Variants in CTNNA3 observed in about 807,000 individuals in gnomAD.
The protein encoded by CTNNA3 is catenin alpha 3.
In CTNNA3, 76 loss-of-function variants were observed where a neutral mutation model predicts 95.7. That is an observed-to-expected ratio of 0.79 (90% CI 0.66 to 0.96). CTNNA3 has a LOEUF of 0.96. Among genes scored for constraint, CTNNA3 ranks in the 40% least tolerant of loss-of-function variants. The pLI, the probability that CTNNA3 is intolerant of heterozygous loss-of-function variation, is 0.00. For synonymous variants in CTNNA3, 431 were observed against 374.4 expected (o/e 1.15, Z -1.74); for missense variants, 1,191 against 1,089.8 (o/e 1.09, Z -1.31).
chr10:67,001,974 G>A (rs1851714269), intron 7 of CTNNA3, among the ~76,000 whole-genome samples: 1 of 152,194 alleles, frequency 6.6e-6, no homozygotes, highest in African/African-American at 2.4e-5. Context: ...GAAGCAGAGA[G>A]TGCAGAAATG....
chr10:66,866,678 G>A (rs1564733207), intron 7 of CTNNA3, among the ~76,000 whole-genome samples: 1 of 152,036 alleles, frequency 6.6e-6, no homozygotes. Flanking sequence ...GGAGCCACGA[G>A]GTATTATAAA....
intron 7 of CTNNA3, among the ~76,000 whole-genome samples, chr10:66,943,733 G>C (rs115448377): frequency 0.031 from 4,654 of 152,136 alleles, 239 homozygotes; most frequent in African/African-American, 0.11. Flanking sequence ...TTCAGGTTTG[G>C]TTCCAGAACC....
intron 5 of CTNNA3, 121 bp from the exon 6 acceptor site, chr10:67,219,991 A>C (rs1361238748): frequency 2.7e-6 from 2 of 748,928 alleles, no homozygotes; most frequent in Non-Finnish European, 4.2e-6. Flanking sequence ...GAAGTCAGCT[A>C]TAAGTTATAA....
At chr10:67,502,296 G>A (rs867164860) in intron 5 of CTNNA3, among the ~76,000 whole-genome samples, 6 of 152,220 alleles carry the variant, frequency 3.9e-5, no homozygotes, top group East Asian at 1.9e-4. Flanking sequence ...AATCACCAGC[G>A]GAGGCTGCAG....
At chr10:66,573,355 A>T (rs1017592634) in intron 10 of CTNNA3, among the ~76,000 whole-genome samples, 4 of 152,182 alleles carry the variant, frequency 2.6e-5, no homozygotes, top group Non-Finnish European at 4.4e-5. Context: ...GAATGATGTG[A>T]TTGACTACCA....
At chr10:67,327,269 T>C (rs1482060827) in intron 5 of CTNNA3, among the ~76,000 whole-genome samples, 3 of 152,170 alleles carry the variant, frequency 2.0e-5, no homozygotes, top group Non-Finnish European at 2.9e-5. Flanking sequence ...GCTGGAGAGG[T>C]GATGTGGTCA....
At chr10:66,291,452 T>C (rs537854532) in intron 12 of CTNNA3, among the ~76,000 whole-genome samples, 186 of 152,224 alleles carry the variant, frequency 1.2e-3, no homozygotes, top group African/African-American at 4.1e-3. Context: ...GGGATCATCT[T>C]TGAGAATCAC....
At chr10:66,386,299 TAAC>T (rs1226722554) in intron 11 of CTNNA3, among the ~76,000 whole-genome samples, 2 of 151,940 alleles carry the variant, frequency 1.3e-5, no homozygotes, top group Non-Finnish European at 2.9e-5. Context: ...TATACACCAT[TAAC>T]AGACAAACAA....
intron 9 of CTNNA3, among the ~76,000 whole-genome samples, chr10:66,678,149 G>A (rs1351704898): frequency 6.6e-6 from 1 of 152,070 alleles, no homozygotes; most frequent in African/African-American, 2.4e-5. Context: ...CTTGTCACTG[G>A]TGATTATTTA....
At chr10:67,267,560 G>A (rs1866880461) in intron 5 of CTNNA3, among the ~76,000 whole-genome samples, 1 of 151,944 alleles carries the variant, frequency 6.6e-6, no homozygotes, top group Non-Finnish European at 1.5e-5. Context: ...TAGAGATGGG[G>A]TTTCACCGTG....
At chr10:66,229,964 C>T (rs1163304526) in intron 13 of CTNNA3, among the ~76,000 whole-genome samples, 1 of 151,626 alleles carries the variant, frequency 6.6e-6, no homozygotes, top group Non-Finnish European at 1.5e-5. Context: ...GGTAATTTCT[C>T]TATTCACCTT....
intron 3 of CTNNA3, among the ~76,000 whole-genome samples, chr10:67,556,904 T>C (rs1210397545): frequency 6.6e-6 from 1 of 152,038 alleles, no homozygotes; most frequent in Non-Finnish European, 1.5e-5. Context: ...TGCTATAAAT[T>C]TCCCCCTACA....
rs60090636 is a variant in CTNNA3 at position 66,042,899 on chromosome 10, C to CAAAAA, written c.2159+26404_2159+26408dup. On this transcript the variant is annotated intron_variant, in intron 15 of 17. Coordinates refer to ENST00000433211, the MANE Select transcript of CTNNA3 (RefSeq NM_013266.4). Reference sequence around the variant, plus strand: ...TGGGTGACTGAGCGAGACTCTGTCTCAAAAAAAAAAAAAAAAAAAAAAAAA... The same window carrying CAAAAA: ...TGGGTGACTGAGCGAGACTCTGTCTCAAAAAAAAAAAAAAAAAAAAAAAAAAAAAA... Among the ~76,000 whole-genome samples, 100 of 50,408 alleles carry CAAAAA rather than the reference C, an allele frequency of 2.0e-3. 5 individuals carry two copies. Among genetic ancestry groups the CAAAAA allele is most frequent in the African/African-American group, 3.0e-3 (34 of 11,512 alleles). 33.1% of individuals were successfully genotyped at this position (50,408 alleles called of 152,430 possible).
chr10:66,226,058 G>A (rs1225891202), intron 13 of CTNNA3, among the ~76,000 whole-genome samples: 2 of 152,010 alleles, frequency 1.3e-5, no homozygotes, highest in Non-Finnish European at 2.9e-5. Context: ...CTGCACAGGA[G>A]CTCTTTAGCT....
intron 13 of CTNNA3, among the ~76,000 whole-genome samples, chr10:66,185,481 C>A (rs2086285209): frequency 1.3e-5 from 2 of 151,906 alleles, no homozygotes; most frequent in South Asian, 2.1e-4. Flanking sequence ...TGAAAAAAAT[C>A]TATATAATAA....
At chr10:66,260,203 T>C (rs1415275297) in intron 13 of CTNNA3, among the ~76,000 whole-genome samples, 2 of 152,134 alleles carry the variant, frequency 1.3e-5, no homozygotes, top group Non-Finnish European at 2.9e-5. Context: ...AGGCCAAAAA[T>C]GTAACCACAC....
chr10:66,576,635 T>C (rs926758455), intron 10 of CTNNA3, among the ~76,000 whole-genome samples: 1 of 152,130 alleles, frequency 6.6e-6, no homozygotes, highest in African/African-American at 2.4e-5. Context: ...TCCAGCTACA[T>C]TTCATGTTGC....
At chr10:67,390,995 C>G (rs1844448008) in intron 5 of CTNNA3, among the ~76,000 whole-genome samples, 2 of 152,162 alleles carry the variant, frequency 1.3e-5, no homozygotes, top group African/African-American at 4.8e-5. Context: ...AAAACTGGCA[C>G]AAGACAGGGA....
rs557836635 is a variant in CTNNA3, at chr10:66,000,316, T to C, written c.2160-11519A>G. Among the ~76,000 whole-genome samples the C allele has an allele frequency of 1.6e-4, 25 of 152,300 alleles. No homozygotes were observed. In the South Asian group the frequency reaches 2.7e-3, roughly 16 times the overall value. ...TTCTGGCATTCATTCTCCTTCCTCC[T>C]TTCTCTTTTGATTAAAACGAGAAAG... On this transcript the variant is annotated intron_variant, in intron 15 of 17. Coordinates refer to ENST00000433211, the MANE Select transcript of CTNNA3 (RefSeq NM_013266.4).
Sources: allele counts gnomAD v4.1 joint callset (sites outside exome capture counted in the v4.1 genomes callset), GRCh38; gene constraint gnomAD v4.1.1; transcripts MANE v1.5; gene names NCBI Gene and HGNC (gene_info 2026-07-23, HGNC 2026-07-21).